SIM1: variants seen among roughly 807,000 people sequenced by gnomAD.
SIM1 encodes SIM bHLH transcription factor 1, also known as single-minded homolog 1.
SIM1 carries 18 observed loss-of-function variants against 78.2 expected under a neutral mutation model. That is an observed-to-expected ratio of 0.23 (90% CI 0.16 to 0.34). The LOEUF is 0.34. SIM1 is among the 10% of genes least tolerant of loss of function. SIM1 has a pLI of 1.00. For synonymous variants in SIM1, 417 were observed against 385.2 expected (o/e 1.08, Z -0.97); for missense variants, 939 against 975.1 (o/e 0.96, Z 0.49).
At chr6:100,455,339 A>C (rs1163604698) in intron 2 of SIM1, among the ~76,000 whole-genome samples, 1 of 151,908 alleles carries the variant, frequency 6.6e-6, no homozygotes, top group Non-Finnish European at 1.5e-5. Flanking sequence ...AGCCCGCCCG[A>C]GGTTTCCTCC....
At chr6:100,407,506 T>G (rs1489697293) in intron 10 of SIM1, among the ~76,000 whole-genome samples, 1 of 152,158 alleles carries the variant, frequency 6.6e-6, no homozygotes, top group Non-Finnish European at 1.5e-5. Context: ...GTTCTATTTT[T>G]AATTTTTTGA....
intron 2 of SIM1, among the ~76,000 whole-genome samples, chr6:100,458,753 C>T (rs1003656432): frequency 2.0e-5 from 3 of 152,214 alleles, no homozygotes; most frequent in Admixed American, 6.5e-5. Context: ...GTCGGCCCTG[C>T]GCCGCCGAGG....
intron 2 of SIM1, among the ~76,000 whole-genome samples, chr6:100,461,841 C>CTTTTTTTTTTTT (rs10522700): frequency 1.2e-4 from 14 of 113,334 alleles, no homozygotes; most frequent in African/African-American, 3.2e-4. Flanking sequence ...TTCTTTCTTT[C>CTTTTTTTTTTTT]TTTTTTTTTT....
At chr6:100,442,737 TAAAGCATTCTCTA>T (rs1214989719) in intron 9 of SIM1, among the ~76,000 whole-genome samples, 1 of 152,058 alleles carries the variant, frequency 6.6e-6, no homozygotes, top group Non-Finnish European at 1.5e-5. Flanking sequence ...CAAGTTTTTT[TAAAGCATTCTCTA>T]AAAACTCCTA....
chr6:100,449,313 G>A, intron 6 of SIM1, 50 bp downstream of exon 6: 1 of 1,506,590 alleles, frequency 6.6e-7, no homozygotes, highest in Admixed American at 1.7e-5. Flanking sequence ...CACGCGCCTT[G>A]CTTCCCGCCT....
intron 10 of SIM1, among the ~76,000 whole-genome samples, chr6:100,402,285 G>A (rs1466953705): frequency 6.6e-6 from 1 of 151,614 alleles, no homozygotes; most frequent in African/African-American, 2.4e-5. Flanking sequence ...AGATATATAT[G>A]TTAAAGGATT....
rs182820864 is a variant in SIM1, at chr6:100,433,000, A to G, written c.999-12042T>C. On this transcript the variant is annotated intron_variant, in intron 9 of 11. Transcript: ENST00000369208. ...TTCATCTTCTCACATCCCATATCCA[A>G]TCTATCTGCAAATCCCATTGGGCCT... is the stretch of plus-strand genomic sequence containing the variant. Among the ~76,000 whole-genome samples the G allele has an allele frequency of 9.2e-5, 14 of 152,072 alleles. No homozygotes were observed. In the East Asian group the frequency reaches 2.7e-3, roughly 29 times the overall value.
chr6:100,413,311 A>G (rs185433276), intron 10 of SIM1, among the ~76,000 whole-genome samples: 156 of 152,062 alleles, frequency 1.0e-3, no homozygotes, highest in African/African-American at 3.6e-3. Context: ...CACTCACTCA[A>G]TATCTGCTAA....
At chr6:100,398,527 A>C (rs1287099936) in intron 10 of SIM1, among the ~76,000 whole-genome samples, 2 of 152,126 alleles carry the variant, frequency 1.3e-5, no homozygotes, top group African/African-American at 4.8e-5. Context: ...AAATTCATAG[A>C]GTATTTGTCT....
Position 100,443,504 on chromosome 6 carries a change from C to G in SIM1, c.998+3764G>C, listed in dbSNP as rs373763566. Among the ~76,000 whole-genome samples, 5 of 152,190 alleles carry G rather than the reference C, an allele frequency of 3.3e-5. No homozygotes were observed. The East Asian group carries it at 5.8e-4, about 18-fold the overall frequency. On this transcript the variant is annotated intron_variant, in intron 9 of 11. Transcript: ENST00000369208. Reference sequence around the variant, plus strand: ...CTTATTAGAAAGCTAGTTTAAAATACAGTATCATTTAGAACTTTCTATCCT... The same window carrying G: ...CTTATTAGAAAGCTAGTTTAAAATAGAGTATCATTTAGAACTTTCTATCCT...
At chr6:100,424,869 G>A (rs1290205767) in intron 9 of SIM1, among the ~76,000 whole-genome samples, 1 of 152,134 alleles carries the variant, frequency 6.6e-6, no homozygotes, top group Non-Finnish European at 1.5e-5. Flanking sequence ...TTTGGCACCT[G>A]CTTTCCCCAG....
chr6:100,419,565 C>A (rs1406867387), intron 10 of SIM1, among the ~76,000 whole-genome samples: 1 of 152,148 alleles, frequency 6.6e-6, no homozygotes, highest in African/African-American at 2.4e-5. Flanking sequence ...TTTTTACTTA[C>A]AAAATATATT....
intron 9 of SIM1, among the ~76,000 whole-genome samples, chr6:100,446,202 T>A (rs1032263593): frequency 6.6e-6 from 1 of 152,220 alleles, no homozygotes; most frequent in African/African-American, 2.4e-5. Flanking sequence ...TTCCAACTAC[T>A]ACATTTTTAA....
intron 11 of SIM1, among the ~76,000 whole-genome samples, chr6:100,391,422 C>A (rs1770637393): frequency 6.6e-6 from 1 of 152,096 alleles, no homozygotes; most frequent in Non-Finnish European, 1.5e-5. Context: ...TGTTATTAGA[C>A]CTGTCTGACT....
At chr6:100,419,883 C>G (rs1298751926) in intron 10 of SIM1, among the ~76,000 whole-genome samples, 5 of 152,130 alleles carry the variant, frequency 3.3e-5, no homozygotes, top group African/African-American at 1.2e-4. Flanking sequence ...CTCAAGTGAT[C>G]CCCCACCTCG....
intron 9 of SIM1, among the ~76,000 whole-genome samples, chr6:100,438,909 A>C (rs935411095): frequency 7.9e-5 from 12 of 152,200 alleles, no homozygotes; most frequent in African/African-American, 2.9e-4. Flanking sequence ...GAGCTAAGCT[A>C]TGAAGACCCA....
intron 10 of SIM1, among the ~76,000 whole-genome samples, chr6:100,408,542 T>C (rs753581296): frequency 6.6e-6 from 1 of 152,108 alleles, no homozygotes; most frequent in Non-Finnish European, 1.5e-5. Flanking sequence ...TTGAGTATAA[T>C]GGTAGCCTGC....
chr6:100,450,192 C>A, intron 4 of SIM1, 75 bp downstream of exon 4: 2 of 1,278,958 alleles, frequency 1.6e-6, no homozygotes, highest in Admixed American at 1.7e-5. Context: ...ACCCAGCCCC[C>A]AACCCAGCCC....
chr6:100,449,957 G>A (rs1772467175), intron 4 of SIM1, among the ~76,000 whole-genome samples: 1 of 152,220 alleles, frequency 6.6e-6, no homozygotes, highest in Non-Finnish European at 1.5e-5. Flanking sequence ...AGTAGCAACA[G>A]CAGCAGCAGT....
Sources: gnomAD v4.1 joint callset for allele counts (sites outside exome capture counted in the v4.1 genomes callset) on GRCh38, gnomAD v4.1.1 for gene constraint, MANE v1.5 for transcripts, NCBI Gene and HGNC (gene_info 2026-07-23, HGNC 2026-07-21) for gene names.